LARP1B: variants seen among roughly 807,000 people sequenced by gnomAD.
LARP1B encodes La ribonucleoprotein 1B, also known as la-related protein 1B.
In LARP1B, 76 loss-of-function variants were observed where a neutral mutation model predicts 114.2. The observed-to-expected ratio is 0.67, with a 90% CI of 0.55 to 0.81. The LOEUF is 0.81. LARP1B is among the 30% of genes least tolerant of loss of function. The pLI, the probability that LARP1B is intolerant of heterozygous loss-of-function variation, is 0.00. For missense variants in LARP1B, 1,014 were observed against 1,075.8 expected, an observed-to-expected ratio of 0.94 and a Z score of 0.80; for synonymous variants, 345 against 348.0, an observed-to-expected ratio of 0.99 and a Z score of 0.10.
At chr4:128,077,271 G>A (rs564083949) in intron 3 of LARP1B, among the ~76,000 whole-genome samples, 3 of 152,156 alleles carry the variant, frequency 2.0e-5, no homozygotes, top group African/African-American at 7.2e-5. Flanking sequence ...GCTGAGGACG[G>A]TGAATCATTT....
At chr4:128,176,755 A>T (rs1746371682) in intron 12 of LARP1B, 117 bp from the exon 13 acceptor site, 1 of 882,866 alleles carries the variant, frequency 1.1e-6, no homozygotes, top group African/African-American at 1.7e-5. Flanking sequence ...AATGAGACTT[A>T]CTCTTGGCAT....
intron 8 of LARP1B, among the ~76,000 whole-genome samples, chr4:128,102,418 A>G (rs551273393): frequency 6.6e-6 from 1 of 152,338 alleles, no homozygotes; most frequent in Admixed American, 6.5e-5. Flanking sequence ...TATTATTGTT[A>G]GTCTTAAACG....
chr4:128,219,989 G>A (rs1029724068), intron 6 of LARP1B, among the ~76,000 whole-genome samples: 2 of 152,074 alleles, frequency 1.3e-5, no homozygotes, highest in African/African-American at 4.8e-5. Context: ...AGGTTCAAGC[G>A]ATTCTCCTGC....
intron 7 of LARP1B, among the ~76,000 whole-genome samples, chr4:128,093,565 C>T (rs912064966): frequency 4.6e-5 from 7 of 151,366 alleles, no homozygotes; most frequent in East Asian, 3.9e-4. Flanking sequence ...CACTGCAGTC[C>T]GGCCTGGGCA....
chr4:128,171,893 G>A (rs1268061491), intron 12 of LARP1B, among the ~76,000 whole-genome samples: 16 of 151,636 alleles, frequency 1.1e-4, no homozygotes, highest in Admixed American at 1.1e-3. Context: ...TACAAGTAAT[G>A]CATCTCTAGC....
chr4:128,096,603 T>C (rs1412519257), intron 7 of LARP1B, among the ~76,000 whole-genome samples: 1 of 152,022 alleles, frequency 6.6e-6, no homozygotes. Flanking sequence ...TGTCTTTCTT[T>C]TTTTTTTTTC....
intron 17 of LARP1B, among the ~76,000 whole-genome samples, chr4:128,203,819 T>C (rs901375672): frequency 2.0e-5 from 3 of 152,218 alleles, no homozygotes; most frequent in African/African-American, 4.8e-5. Context: ...TTTACAAATA[T>C]CTATTTTCGA....
Position 128,077,820 on chromosome 4 carries a change from G to A in LARP1B, c.75G>A (p.Lys25=). 1 of 1,602,568 alleles carries A rather than the reference G, an allele frequency of 6.2e-7. No individual in the cohort carries two copies. The highest frequency in any genetic ancestry group is 8.5e-7 in the Non-Finnish European group (1 of 1,176,704). ...GCGTCCTCAGCCAAGGAAATAAAAA[G>A]CCACAAAATAGAAAAGAAAAAGAAG... ...FQSVLSQGNK[K]PQNRKEKEEK... is the part of the protein sequence containing the mutation. The change falls in exon 4 of 20, where the codon AAG becomes AAA. Residue 25 remains lysine (K), a synonymous_variant. Coordinates refer to ENST00000326639, the MANE Select transcript of LARP1B (RefSeq NM_018078.4).
intron 15 of LARP1B, among the ~76,000 whole-genome samples, chr4:128,182,654 G>A (rs369998245): frequency 1.2e-4 from 19 of 152,048 alleles, no homozygotes; most frequent in African/African-American, 4.6e-4. Flanking sequence ...GCCCCTAATT[G>A]TTCAAGTGAA....
At chr4:128,125,941 T>C (rs1223087315) in intron 11 of LARP1B, among the ~76,000 whole-genome samples, 3 of 152,056 alleles carry the variant, frequency 2.0e-5, no homozygotes, top group Non-Finnish European at 4.4e-5. Context: ...CATATGAAAA[T>C]AAAGATTTTT....
intron 8 of LARP1B, among the ~76,000 whole-genome samples, chr4:128,099,366 C>A (rs566063027): frequency 6.6e-6 from 1 of 150,842 alleles, no homozygotes; most frequent in Non-Finnish European, 1.5e-5. Context: ...TGGCTCACTG[C>A]AACTTCTGCC....
chr4:128,099,620 A>G (rs1372300286), intron 8 of LARP1B, among the ~76,000 whole-genome samples: 2 of 152,110 alleles, frequency 1.3e-5, no homozygotes, highest in African/African-American at 4.8e-5. Context: ...TGGATATACC[A>G]CAGTTTATCC....
chr4:128,191,800 G>A (rs753699451), intron 15 of LARP1B, among the ~76,000 whole-genome samples: 8 of 151,832 alleles, frequency 5.3e-5, no homozygotes, highest in Non-Finnish European at 1.0e-4. Context: ...TATGGGTTGA[G>A]GCAGGAACAG....
intron 15 of LARP1B, among the ~76,000 whole-genome samples, chr4:128,182,046 T>C (rs936190287): frequency 1.3e-5 from 2 of 151,108 alleles, no homozygotes; most frequent in African/African-American, 4.9e-5. Flanking sequence ...TCTCCTGATC[T>C]CGTGATCTGC....
chr4:128,107,447 A>G, intron 9 of LARP1B, 134 bp downstream of exon 9: 3 of 1,493,286 alleles, frequency 2.0e-6, no homozygotes, highest in Non-Finnish European at 2.7e-6. Flanking sequence ...TTTGAGTCCC[A>G]TTTTGTATTC....
intron 15 of LARP1B, among the ~76,000 whole-genome samples, chr4:128,196,809 A>G (rs1475596415): frequency 6.6e-6 from 1 of 152,068 alleles, no homozygotes; most frequent in Non-Finnish European, 1.5e-5. Context: ...ATAAGCAAGT[A>G]TCCAACAACA....
At chr4:128,090,104 G>A (rs1207888767) in intron 5 of LARP1B, among the ~76,000 whole-genome samples, 2 of 122,812 alleles carry the variant, frequency 1.6e-5, no homozygotes, top group East Asian at 2.5e-4. Context: ...AGGGAATCTC[G>A]CTCTGTAGCC....
intron 11 of LARP1B, among the ~76,000 whole-genome samples, chr4:128,133,137 T>C (rs145005116): frequency 6.6e-6 from 1 of 152,294 alleles, no homozygotes; most frequent in Non-Finnish European, 1.5e-5. Context: ...CACCCACCAC[T>C]CAACCGTGGT....
At chr4:128,175,302 A>G (rs990758603) in intron 12 of LARP1B, among the ~76,000 whole-genome samples, 3 of 152,142 alleles carry the variant, frequency 2.0e-5, no homozygotes, top group Non-Finnish European at 4.4e-5. Context: ...GCATCATAGC[A>G]TATCTGTCAC....
Sources: allele counts gnomAD v4.1 joint callset (sites outside exome capture counted in the v4.1 genomes callset), GRCh38; gene constraint gnomAD v4.1.1; transcripts MANE v1.5; gene names NCBI Gene and HGNC (gene_info 2026-07-23, HGNC 2026-07-21).